Variants in ZNF277 observed in about 807,000 individuals in gnomAD.
The protein encoded by ZNF277 is zinc finger protein 277.
In ZNF277, 55 loss-of-function variants were observed where a neutral mutation model predicts 60.7. The ratio of observed to expected loss-of-function variants is 0.91; its 90% confidence interval spans 0.73 to 1.13. The LOEUF is 1.13. ZNF277 is among the 50% of genes most tolerant of loss of function. The probability of loss-of-function intolerance (pLI) is 0.00; values close to 1 mark genes in which losing one functional copy is unlikely to be tolerated. For synonymous variants in ZNF277, 178 were observed against 179.3 expected (o/e 0.99, Z 0.06); for missense variants, 510 against 523.0 (o/e 0.98, Z 0.24).
At chr7:112,236,020 A>T (rs1790777125) in intron 1 of ZNF277, among the ~76,000 whole-genome samples, 1 of 152,058 alleles carries the variant, frequency 6.6e-6, no homozygotes, top group Non-Finnish European at 1.5e-5. Flanking sequence ...CCATTTGTTG[A>T]AAAAGCTACT....
intron 4 of ZNF277, among the ~76,000 whole-genome samples, chr7:112,309,542 T>C (rs572813060): frequency 1.7e-4 from 26 of 151,912 alleles, no homozygotes; most frequent in Non-Finnish European, 3.4e-4. Flanking sequence ...GAGGGTTAGC[T>C]TTTTTTAAGG....
chr7:112,211,769 C>T (rs1234581289), intron 1 of ZNF277, among the ~76,000 whole-genome samples: 1 of 152,202 alleles, frequency 6.6e-6, no homozygotes, highest in Non-Finnish European at 1.5e-5. Flanking sequence ...TTTCCCATAT[C>T]TCCATTATCC....
intron 4 of ZNF277, among the ~76,000 whole-genome samples, chr7:112,298,033 A>C (rs1792392576): frequency 6.6e-6 from 1 of 152,236 alleles, no homozygotes; most frequent in Non-Finnish European, 1.5e-5. Context: ...TTACAGAAAC[A>C]AAAGAAGAAT....
At chr7:112,274,247 T>G (rs1791743968) in intron 1 of ZNF277, among the ~76,000 whole-genome samples, 1 of 151,992 alleles carries the variant, frequency 6.6e-6, no homozygotes, top group Non-Finnish European at 1.5e-5. Context: ...AGCCTCAACC[T>G]CCCGGGCCCA....
chr7:112,220,627 A>G (rs533628129), intron 1 of ZNF277, among the ~76,000 whole-genome samples: 23 of 152,262 alleles, frequency 1.5e-4, no homozygotes, highest in African/African-American at 4.3e-4. Context: ...TTCACTGCTG[A>G]GTATGTTAGC....
intron 7 of ZNF277, 54 bp downstream of exon 7, chr7:112,330,270 C>A (rs4422715): frequency 2.5e-6 from 4 of 1,569,660 alleles, no homozygotes; most frequent in African/African-American, 1.4e-5. Context: ...CAAACAAAAT[C>A]TTTCTGAGGA....
At chr7:112,263,032 T>C (rs1442440991) in intron 1 of ZNF277, among the ~76,000 whole-genome samples, 1 of 152,198 alleles carries the variant, frequency 6.6e-6, no homozygotes, top group Non-Finnish European at 1.5e-5. Flanking sequence ...AGTCAGACTT[T>C]ATGGATGCCA....
intron 1 of ZNF277, among the ~76,000 whole-genome samples, chr7:112,235,693 C>T: frequency 6.6e-6 from 1 of 151,754 alleles, no homozygotes; most frequent in African/African-American, 2.4e-5. Context: ...ATATTTTCTC[C>T]CATTCTGTGG....
chr7:112,220,271 G>T (rs1821991266), intron 1 of ZNF277, among the ~76,000 whole-genome samples: 4 of 151,252 alleles, frequency 2.6e-5, no homozygotes, highest in South Asian at 2.1e-4. Flanking sequence ...CAACTCTTTG[G>T]TTCATTATTC....
intron 1 of ZNF277, among the ~76,000 whole-genome samples, chr7:112,254,324 C>G (rs148890866): frequency 6.6e-6 from 1 of 152,162 alleles, no homozygotes; most frequent in Non-Finnish European, 1.5e-5. Flanking sequence ...ATACTCCAAA[C>G]CTACTGAATC....
At chr7:112,272,294 A>G (rs1414237954) in intron 1 of ZNF277, among the ~76,000 whole-genome samples, 1 of 152,202 alleles carries the variant, frequency 6.6e-6, no homozygotes, top group Non-Finnish European at 1.5e-5. Flanking sequence ...ATAGTACTCT[A>G]CTGTGTATAC....
chr7:112,240,274 T>A (rs1024040466), intron 1 of ZNF277, among the ~76,000 whole-genome samples: 1 of 152,118 alleles, frequency 6.6e-6, no homozygotes, highest in African/African-American at 2.4e-5. Context: ...CAGTGTTACA[T>A]CAAGTTAAAA....
chr7:112,275,239 C>T (rs1236404774), intron 1 of ZNF277, among the ~76,000 whole-genome samples: 1 of 152,146 alleles, frequency 6.6e-6, no homozygotes, highest in Non-Finnish European at 1.5e-5. Context: ...CCTCTTAAAA[C>T]ACAGTATACA....
At chr7:112,290,889 A>G (rs989625545) in intron 2 of ZNF277, among the ~76,000 whole-genome samples, 5 of 152,178 alleles carry the variant, frequency 3.3e-5, no homozygotes, top group Admixed American at 1.3e-4. Context: ...AGGAGGGAAC[A>G]TGAGAGATTT....
chr7:112,295,717 T>C (rs951561906), intron 2 of ZNF277, 152 bp from the exon 3 acceptor site: 6 of 574,976 alleles, frequency 1.0e-5, no homozygotes, highest in African/African-American at 9.3e-5. Flanking sequence ...TCCACTGCCT[T>C]TGTATTCACA....
At chr7:112,219,488 A>G (rs1204620627) in intron 1 of ZNF277, among the ~76,000 whole-genome samples, 3 of 152,168 alleles carry the variant, frequency 2.0e-5, no homozygotes, top group Admixed American at 6.5e-5. Context: ...CCTTTCCCCC[A>G]TTATGTATTC....
Position 112,237,615 on chromosome 7 carries a change from T to A in ZNF277, c.91+30808T>A, listed in dbSNP as rs937935667. On this transcript the variant is annotated intron_variant, in intron 1 of 11. Transcript: ENST00000361822. The stretch of plus-strand genomic sequence containing the variant: ...GAAAACCTAGAGGAAATGGATACAT[T>A]TCTAAAAACATACAACCTCCCAAGA... 3.0e-4 allele frequency among the ~76,000 whole-genome samples: 46 copies of A among 152,072 alleles called. 3 individuals are homozygous for A.
Position 112,287,070 on chromosome 7 carries a change from C to T in ZNF277, c.289C>T (p.Gln97Ter), listed in dbSNP as rs767780972. 6.2e-7 allele frequency: 1 copy of T among 1,613,862 alleles called. No homozygotes were observed. The highest frequency in any genetic ancestry group is 1.7e-5 in the Admixed American group (1 of 60,006). ...IADVKLVADF[Q>*]RYILYWRKRF... ...TGATGTCAAGTTGGTTGCTGATTTC[C>T]AAAGGTAAGTTCTGTTTTTGTCCTT... The change falls in exon 2 of 12, where the codon CAA becomes TAA. Residue 97 changes from glutamine (Q) to a stop codon, truncating the protein, a stop_gained. Coordinates refer to ENST00000361822, the MANE Select transcript of ZNF277 (RefSeq NM_021994.3). LOFTEE classifies it high-confidence loss of function.
intron 1 of ZNF277, among the ~76,000 whole-genome samples, chr7:112,235,837 A>G (rs1587101921): frequency 2.0e-5 from 3 of 152,064 alleles, no homozygotes; most frequent in Admixed American, 2.0e-4. Context: ...TTCCTAACCA[A>G]AAAAGCTCTG....
Sources: allele counts gnomAD v4.1 joint callset (sites outside exome capture counted in the v4.1 genomes callset), GRCh38; gene constraint gnomAD v4.1.1; transcripts MANE v1.5; gene names NCBI Gene and HGNC (gene_info 2026-07-23, HGNC 2026-07-21).